FGGY: variants seen among roughly 807,000 people sequenced by gnomAD.
FGGY encodes the protein FGGY carbohydrate kinase domain-containing protein.
FGGY carries 72 observed loss-of-function variants against 71.3 expected under a neutral mutation model. The observed-to-expected ratio is 1.01, with a 90% CI of 0.84 to 1.23. The LOEUF (loss-of-function observed/expected upper bound fraction) is 1.23, where lower values mean the gene tolerates loss of function less well. Among genes scored for constraint, FGGY ranks in the 50% most tolerant of loss-of-function variants. The pLI is 0.00. For missense variants in FGGY, 668 were observed against 682.3 expected, an observed-to-expected ratio of 0.98 and a Z score of 0.23; for synonymous variants, 251 against 250.3, an observed-to-expected ratio of 1.00 and a Z score of -0.02.
At chr1:59,492,239 A>G (rs1466377735) in intron 6 of FGGY, among the ~76,000 whole-genome samples, 1 of 151,966 alleles carries the variant, frequency 6.6e-6, no homozygotes, top group African/African-American at 2.4e-5. Flanking sequence ...TAACTTTTTA[A>G]TCTGTTTGCT....
intron 1 of FGGY, among the ~76,000 whole-genome samples, chr1:59,309,821 C>G (rs2153091625): frequency 6.6e-6 from 1 of 152,102 alleles, no homozygotes; most frequent in East Asian, 1.9e-4. Context: ...ACTAAAAATA[C>G]AAAAACAAAT....
chr1:59,335,145 T>G (rs892203309), intron 2 of FGGY, among the ~76,000 whole-genome samples: 1 of 152,214 alleles, frequency 6.6e-6, no homozygotes, highest in Non-Finnish European at 1.5e-5. Context: ...TTTTGTAAAT[T>G]TATACAGTGG....
intron 6 of FGGY, among the ~76,000 whole-genome samples, chr1:59,471,508 CCTGT>C (rs1269464930): frequency 4.6e-5 from 7 of 152,306 alleles, no homozygotes; most frequent in African/African-American, 1.7e-4. Flanking sequence ...CCTTCTCTTC[CCTGT>C]CTAAGTGACA....
intron 6 of FGGY, among the ~76,000 whole-genome samples, chr1:59,503,324 G>A (rs1341177782): frequency 6.6e-6 from 1 of 151,952 alleles, no homozygotes; most frequent in African/African-American, 2.4e-5. Flanking sequence ...TGATAAATGG[G>A]CACTATTACT....
intron 6 of FGGY, among the ~76,000 whole-genome samples, chr1:59,460,657 C>T (rs182571347): frequency 2.7e-4 from 41 of 152,288 alleles, no homozygotes; most frequent in South Asian, 1.0e-3. Flanking sequence ...CAGTAGGGGC[C>T]GACTGACATC....
intron 14 of FGGY, among the ~76,000 whole-genome samples, chr1:59,701,732 G>T (rs944089326): frequency 6.6e-6 from 1 of 152,090 alleles, no homozygotes; most frequent in Non-Finnish European, 1.5e-5. Flanking sequence ...TTGGAGAGGG[G>T]TATGCATGTG....
intron 14 of FGGY, among the ~76,000 whole-genome samples, chr1:59,730,909 C>G (rs1296436070): frequency 6.6e-6 from 1 of 152,178 alleles, no homozygotes; most frequent in Non-Finnish European, 1.5e-5. Context: ...TTACTTAACC[C>G]ACCTCATGAA....
At chr1:59,568,066 T>C (rs1410324243) in intron 8 of FGGY, among the ~76,000 whole-genome samples, 1 of 152,086 alleles carries the variant, frequency 6.6e-6, no homozygotes, top group Non-Finnish European at 1.5e-5. Context: ...ATATATACAA[T>C]ATAATGCATA....
intron 14 of FGGY, among the ~76,000 whole-genome samples, chr1:59,695,424 G>A (rs550336309): frequency 4.6e-5 from 7 of 152,144 alleles, no homozygotes; most frequent in Non-Finnish European, 1.0e-4. Context: ...CAACACACTC[G>A]CCCATGCATT....
At chr1:59,343,793 G>A (rs1347819566) in intron 3 of FGGY, among the ~76,000 whole-genome samples, 1 of 152,112 alleles carries the variant, frequency 6.6e-6, no homozygotes, top group African/African-American at 2.4e-5. Context: ...TCATTGTATT[G>A]TTCTGACTGC....
chr1:59,638,019 C>T (rs114308668), intron 10 of FGGY, among the ~76,000 whole-genome samples: 2,297 of 152,218 alleles, frequency 0.015, 57 homozygotes, highest in African/African-American at 0.052. Flanking sequence ...TGGATCCAGT[C>T]TTCTGACTCC....
At chr1:59,458,178 A>G (rs1405662510) in intron 6 of FGGY, among the ~76,000 whole-genome samples, 1 of 152,208 alleles carries the variant, frequency 6.6e-6, no homozygotes, top group Non-Finnish European at 1.5e-5. Context: ...ATGCCCTCCA[A>G]AAAATTAGTT....
At chr1:59,615,095 A>G (rs1248900906) in intron 9 of FGGY, among the ~76,000 whole-genome samples, 4 of 152,238 alleles carry the variant, frequency 2.6e-5, no homozygotes, top group Admixed American at 1.3e-4. Context: ...TATAGATTCA[A>G]TGCCATCCCC....
intron 2 of FGGY, among the ~76,000 whole-genome samples, chr1:59,329,321 G>A (rs1191571397): frequency 1.3e-5 from 2 of 149,226 alleles, no homozygotes; most frequent in Admixed American, 1.3e-4. Flanking sequence ...CTAAAAAAAA[G>A]GTACCTTAAT....
chr1:59,373,637 C>A lies in FGGY; in HGVS notation c.466-5112C>A, dbSNP rs373275938. On this transcript the variant is annotated intron_variant, in intron 4 of 15. Coordinates refer to ENST00000303721, the MANE Select transcript of FGGY (RefSeq NM_018291.5). ...CAAAAGAACAAAGCTGGAGGCATCACGCTACCTGACTTCAAACTATACTAC... is the reference window on the plus strand; with the variant it reads ...CAAAAGAACAAAGCTGGAGGCATCAAGCTACCTGACTTCAAACTATACTAC... Among the ~76,000 whole-genome samples the A allele has an allele frequency of 1.7e-4, 26 of 152,236 alleles. No homozygotes were observed. The South Asian group carries it at 5.4e-3, about 32-fold the overall frequency.
chr1:59,605,390 G>T (rs1046734956), intron 8 of FGGY, among the ~76,000 whole-genome samples: 3 of 152,182 alleles, frequency 2.0e-5, no homozygotes, highest in Admixed American at 1.3e-4. Context: ...ACTCTGGTCT[G>T]CTTCCCTCTC....
intron 14 of FGGY, among the ~76,000 whole-genome samples, chr1:59,721,327 TCTTTC>T (rs1202024354): frequency 6.0e-5 from 8 of 133,504 alleles, no homozygotes. Flanking sequence ...GTTTTTCTTT[TCTTTC>T]CTTTGTTTTT....
Position 59,567,570 on chromosome 1 carries a change from A to G in FGGY, c.903+13343A>G, listed in dbSNP as rs866403206. On this transcript the variant is annotated intron_variant, in intron 8 of 15. Transcript: ENST00000303721. ...TATTCTCCTATCATCTGTTTGCATG[A>G]TAAAATTACAGGTTTCCATGTAATC... Among the ~76,000 whole-genome samples, 4 of 152,008 alleles carry G rather than the reference A, an allele frequency of 2.6e-5. No individual in the cohort carries two copies. In the South Asian group the frequency reaches 8.3e-4, roughly 32 times the overall value.
At chr1:59,699,037 A>G in intron 14 of FGGY, 1 of 985,414 alleles carries the variant, frequency 1.0e-6, no homozygotes, top group Non-Finnish European at 1.2e-6. Context: ...TATCAAACTA[A>G]CATAGCTACA....
Sources: allele counts gnomAD v4.1 joint callset (sites outside exome capture counted in the v4.1 genomes callset), GRCh38; gene constraint gnomAD v4.1.1; transcripts MANE v1.5; gene names NCBI Gene and HGNC (gene_info 2026-07-23, HGNC 2026-07-21).